The following ARPC2 variants were observed in gnomAD, a reference collection of about 807,000 sequenced individuals.
ARPC2 encodes the protein actin-related protein 2/3 complex subunit 2.
A neutral mutation model predicts 38.6 loss-of-function variants in ARPC2; 4 were observed. The ratio of observed to expected loss-of-function variants is 0.10; its 90% confidence interval spans 0.05 to 0.24. ARPC2 has a LOEUF of 0.24. Among genes scored for constraint, ARPC2 ranks in the 10% least tolerant of loss-of-function variants. ARPC2 has a pLI of 1.00. For missense variants in ARPC2, 229 were observed against 387.3 expected (o/e 0.59, Z 3.43); for synonymous variants, 125 against 140.8 (o/e 0.89, Z 0.79).
At chr2:218,249,216 GA>G in intron 8 of ARPC2, 147 bp from the exon 9 acceptor site, 3 of 598,924 alleles carry the variant, frequency 5.0e-6, no homozygotes, top group East Asian at 3.2e-5. Context: ...TCCATGTCAA[GA>G]AAAAACCCTG....
rs745840386 is a variant in ARPC2 at position 218,254,000 on chromosome 2, T to C, written c.*85T>C. ...TAATCGTAGCTTTTAATGTTGCGCCTCTTCAGGTTCTTAAGGGATTCTCCG... is the reference window on the plus strand; with the variant it reads ...TAATCGTAGCTTTTAATGTTGCGCCCCTTCAGGTTCTTAAGGGATTCTCCG... On this transcript the variant is annotated 3_prime_UTR_variant, in exon 11 of 11. Coordinates refer to ENST00000315717, the MANE Select transcript of ARPC2 (RefSeq NM_152862.3). 1.9e-6 allele frequency: 3 copies of C among 1,562,036 alleles called. No individual in the cohort carries two copies. Among genetic ancestry groups the C allele is most frequent in the Non-Finnish European group, 2.6e-6 (3 of 1,137,626 alleles).
intron 2 of ARPC2, among the ~76,000 whole-genome samples, chr2:218,221,034 TCAGA>T (rs1689371794): frequency 6.6e-6 from 1 of 152,190 alleles, no homozygotes; most frequent in Non-Finnish European, 1.5e-5. Flanking sequence ...GCAAAAGTAA[TCAGA>T]CAAATTAATT....
chr2:218,242,701 G>T (rs1689943151), intron 7 of ARPC2, among the ~76,000 whole-genome samples: 1 of 152,170 alleles, frequency 6.6e-6, no homozygotes, highest in Non-Finnish European at 1.5e-5. Flanking sequence ...GGTGGTATCT[G>T]TGTCTGCTTA....
At chr2:218,236,285 C>A (rs1257759654) in intron 5 of ARPC2, 1 of 152,116 alleles carries the variant, frequency 6.6e-6, no homozygotes, top group Non-Finnish European at 1.5e-5. Flanking sequence ...TCTTATTTGG[C>A]TTCCTAAAAC....
chr2:218,254,108 TAAA>T lies in ARPC2; in HGVS notation c.*207_*209del, dbSNP rs376913304. On this transcript the variant is annotated 3_prime_UTR_variant, in exon 11 of 11. Coordinates refer to ENST00000315717, the MANE Select transcript of ARPC2 (RefSeq NM_152862.3). ...CAAAGACTTCATAGTTCCCAAGAAT[TAAA>T]AAAAAAAAAAAAAGAATTCCACTTG... 2.8e-3 allele frequency: 1,171 copies of T among 424,218 alleles called. No homozygotes were observed. The highest frequency in any genetic ancestry group is 4.5e-3 in the South Asian group (100 of 22,292). The allele number at this position is 424,218 out of a possible 1,614,324, so 26.3% of individuals were successfully genotyped here.
intron 7 of ARPC2, among the ~76,000 whole-genome samples, chr2:218,244,965 G>T (rs1689996191): frequency 6.6e-6 from 1 of 152,194 alleles, no homozygotes; most frequent in African/African-American, 2.4e-5. Flanking sequence ...AGAAGGAAGG[G>T]CTTCCTTTAT....
rs1052163959 is a variant in ARPC2 at position 218,254,309 on chromosome 2, T to C, written c.*394T>C. 1 of 185,320 alleles carries C rather than the reference T, an allele frequency of 5.4e-6. No individual in the cohort carries two copies. The highest frequency in any genetic ancestry group is 2.4e-5 in the African/African-American group (1 of 42,022). 11.5% of individuals were successfully genotyped at this position (185,320 alleles called of 1,614,324 possible). On this transcript the variant is annotated 3_prime_UTR_variant, in exon 11 of 11. Coordinates refer to ENST00000315717, the MANE Select transcript of ARPC2 (RefSeq NM_152862.3). ...TTCAAAACTCCTGTATCTAAAGAAA[T>C]ACGGTTGGGGTCATTAATAAAGAAA... is the stretch of plus-strand genomic sequence containing the variant.
intron 10 of ARPC2, among the ~76,000 whole-genome samples, chr2:218,251,918 C>G (rs1169675305): frequency 1.3e-5 from 2 of 152,122 alleles, no homozygotes; most frequent in Non-Finnish European, 2.9e-5. Flanking sequence ...GGTTTTCAGA[C>G]ATTGTCAAAA....
At chr2:218,251,241 C>T (rs1181580225) in intron 10 of ARPC2, among the ~76,000 whole-genome samples, 6 of 151,690 alleles carry the variant, frequency 4.0e-5, no homozygotes, top group East Asian at 1.9e-4. Context: ...TACAGAGTTT[C>T]GCTCTTGAAG....
rs372173208 is a variant in ARPC2 at position 218,242,831 on chromosome 2, C to G, written c.550-2589C>G. 6.6e-5 allele frequency among the ~76,000 whole-genome samples: 10 copies of G among 152,264 alleles called. No individual in the cohort carries two copies. The South Asian group carries it at 2.1e-3, about 32-fold the overall frequency. On this transcript the variant is annotated intron_variant, in intron 7 of 10. Coordinates refer to ENST00000315717, the MANE Select transcript of ARPC2 (RefSeq NM_152862.3). ...CCCATTATTCTGTAGGGTCATTGAGCTTCTCAATTTCTTTACATACTAGGG... is the reference window on the plus strand; with the variant it reads ...CCCATTATTCTGTAGGGTCATTGAGGTTCTCAATTTCTTTACATACTAGGG...
At position 218,222,144 on chromosome 2, in the gene ARPC2, G is replaced by T. The variant is rs185941386; in HGVS notation, c.75-3776G>T. Among the ~76,000 whole-genome samples, 4 of 152,278 alleles carry T rather than the reference G, an allele frequency of 2.6e-5. No individual in the cohort carries two copies. In the East Asian group the frequency reaches 7.7e-4, roughly 29 times the overall value. On this transcript the variant is annotated intron_variant, in intron 2 of 10. Transcript: ENST00000315717. The stretch of plus-strand genomic sequence containing the variant: ...TAGCCAGGTGTGGTGGCGCACACCT[G>T]TAATCCCAGCTACTCAGGAAGCTGA...
intron 8 of ARPC2, 123 bp downstream of exon 8, chr2:218,245,669 T>TC (rs1017909841): frequency 1.0e-5 from 14 of 1,339,214 alleles, no homozygotes; most frequent in Admixed American, 2.1e-5. Context: ...ACCAACTTGT[T>TC]CCTGTTGCCA....
In ARPC2 at chr2:218,226,900, A is replaced by G. The variant is rs1234998327; in HGVS notation, c.109+946A>G. 1.2e-5 allele frequency: 5 copies of G among 402,268 alleles called. No individual in the cohort carries two copies. The East Asian group carries it at 3.9e-4, about 31-fold the overall frequency. 24.9% of individuals were successfully genotyped at this position (402,268 alleles called of 1,614,324 possible). A position where few individuals can be genotyped will look rare whatever the true frequency, so the allele number is the denominator to read the frequency against. On this transcript the variant is annotated intron_variant, in intron 3 of 10. Coordinates refer to ENST00000315717, the MANE Select transcript of ARPC2 (RefSeq NM_152862.3). ...CCTAGCACTAGAGTAGTAGGGAAAC[A>G]TGAACAGCTAGAGATGTGTTCATCA...
intron 3 of ARPC2, among the ~76,000 whole-genome samples, 181 bp downstream of exon 3, chr2:218,226,135 A>T (rs1689490297): frequency 6.6e-6 from 1 of 152,072 alleles, no homozygotes; most frequent in Non-Finnish European, 1.5e-5. Flanking sequence ...TCTACTAAAA[A>T]TACAAAAATT....
intron 4 of ARPC2, chr2:218,229,051 G>A: frequency 1.7e-5 from 7 of 418,480 alleles, no homozygotes; most frequent in East Asian, 4.3e-5. Flanking sequence ...TTAAAACAAT[G>A]GAAACAAAAA....
At chr2:218,227,000 A>G (rs747724042) in intron 3 of ARPC2, 46 of 456,684 alleles carry the variant, frequency 1.0e-4, no homozygotes, top group South Asian at 7.0e-4. Flanking sequence ...TGTTAGGTGA[A>G]TGAACTCAGA....
chr2:218,248,182 A>G (rs768102154), intron 8 of ARPC2, among the ~76,000 whole-genome samples: 2 of 152,218 alleles, frequency 1.3e-5, no homozygotes, highest in East Asian at 1.9e-4. Flanking sequence ...CTTGTGGTAC[A>G]TAAAATTATG....
intron 2 of ARPC2, among the ~76,000 whole-genome samples, chr2:218,223,790 A>G (rs1689435193): frequency 6.6e-6 from 1 of 152,184 alleles, no homozygotes; most frequent in Non-Finnish European, 1.5e-5. Context: ...AACAGTAAAT[A>G]ATGTAACTAT....
intron 7 of ARPC2, among the ~76,000 whole-genome samples, chr2:218,243,361 A>G (rs1391055257): frequency 3.9e-5 from 6 of 152,228 alleles, no homozygotes; most frequent in South Asian, 2.1e-4. Flanking sequence ...TAAAAAGGCA[A>G]TATTGCTTGA....
Sources: allele counts gnomAD v4.1 joint callset (sites outside exome capture counted in the v4.1 genomes callset), GRCh38; gene constraint gnomAD v4.1.1; transcripts MANE v1.5; gene names NCBI Gene and HGNC (gene_info 2026-07-23, HGNC 2026-07-21).